SYNPO2: variants seen among roughly 807,000 people sequenced by gnomAD.
SYNPO2 encodes the protein synaptopodin 2.
Under a neutral mutation model 85.0 loss-of-function variants are expected in SYNPO2, and 56 were observed. The ratio of observed to expected loss-of-function variants is 0.66; its 90% CI spans 0.53 to 0.82. The LOEUF (loss-of-function observed/expected upper bound fraction) is 0.82. SYNPO2 is among the 40% of genes least tolerant of loss of function. The pLI is 0.00. For missense variants in SYNPO2, 1,575 were observed against 1,534.2 expected (o/e 1.03, Z -0.44); for synonymous variants, 602 against 591.1 (o/e 1.02, Z -0.27).
intron 1 of SYNPO2, among the ~76,000 whole-genome samples, chr4:118,995,890 CTATCT>C (rs985182290): frequency 1.3e-4 from 20 of 151,382 alleles, no homozygotes; most frequent in African/African-American, 4.7e-4. Context: ...ATCTATCTAT[CTATCT>C]ATCTATCTAT....
intron 2 of SYNPO2, 112 bp from the exon 3 acceptor site, chr4:119,026,515 A>T: frequency 8.4e-7 from 1 of 1,184,786 alleles, no homozygotes; most frequent in Non-Finnish European, 1.2e-6. Flanking sequence ...GACATTTAGA[A>T]GAAAATATTT....
chr4:118,991,827 G>A (rs949037628), intron 1 of SYNPO2, among the ~76,000 whole-genome samples: 1 of 152,180 alleles, frequency 6.6e-6, no homozygotes, highest in African/African-American at 2.4e-5. Flanking sequence ...AAGGGTGAGA[G>A]GAGGAGCATT....
At chr4:118,874,613 C>T (rs1165776539) in intron 1 of SYNPO2, among the ~76,000 whole-genome samples, 1 of 152,100 alleles carries the variant, frequency 6.6e-6, no homozygotes, top group Non-Finnish European at 1.5e-5. Flanking sequence ...TGTGGACCTC[C>T]TTGCTGTAAG....
intron 1 of SYNPO2, among the ~76,000 whole-genome samples, chr4:118,952,426 A>C (rs1182538789): frequency 1.3e-5 from 2 of 151,984 alleles, no homozygotes; most frequent in African/African-American, 4.8e-5. Context: ...ACATGTGCAC[A>C]ATGTGCAGGT....
chr4:118,991,132 G>A (rs1011356765), intron 1 of SYNPO2, among the ~76,000 whole-genome samples: 8 of 151,938 alleles, frequency 5.3e-5, no homozygotes, highest in African/African-American at 1.7e-4. Context: ...TTTTTAGTGC[G>A]TGACCACTTT....
intron 1 of SYNPO2, among the ~76,000 whole-genome samples, chr4:118,907,655 A>G (rs1173228830): frequency 1.3e-5 from 2 of 152,186 alleles, no homozygotes; most frequent in East Asian, 3.8e-4. Context: ...TACAGTCTAT[A>G]CTGTAAACCC....
chr4:118,896,294 C>T (rs1363807066), intron 1 of SYNPO2, among the ~76,000 whole-genome samples: 1 of 152,130 alleles, frequency 6.6e-6, no homozygotes, highest in African/African-American at 2.4e-5. Context: ...TACAGGAACA[C>T]ATCTGTAAGA....
intron 1 of SYNPO2, among the ~76,000 whole-genome samples, chr4:118,921,316 C>T (rs939949863): frequency 2.0e-5 from 3 of 152,158 alleles, no homozygotes; most frequent in Non-Finnish European, 4.4e-5. Context: ...GTTTCATTCT[C>T]ATAAGTACTA....
At chr4:118,984,690 G>A (rs748438942) in intron 1 of SYNPO2, among the ~76,000 whole-genome samples, 2 of 152,104 alleles carry the variant, frequency 1.3e-5, no homozygotes, top group African/African-American at 2.4e-5. Context: ...CCAGATCCCA[G>A]CATTTAGAAC....
intron 1 of SYNPO2, among the ~76,000 whole-genome samples, chr4:118,876,659 C>CT: frequency 1.4e-5 from 2 of 146,830 alleles, no homozygotes; most frequent in African/African-American, 5.0e-5. Context: ...TCCTTCCTTC[C>CT]TTCCTTTCTC....
intron 1 of SYNPO2, among the ~76,000 whole-genome samples, chr4:118,860,790 C>T (rs529564656): frequency 2.2e-4 from 33 of 152,182 alleles, no homozygotes; most frequent in African/African-American, 7.7e-4. Context: ...CTCTTGACCT[C>T]GTGACCCACT....
At chr4:118,904,066 A>G (rs1732849248) in intron 1 of SYNPO2, among the ~76,000 whole-genome samples, 1 of 152,154 alleles carries the variant, frequency 6.6e-6, no homozygotes, top group Admixed American at 6.6e-5. Context: ...TTAATTGCAT[A>G]TAATTCTGTT....
intron 4 of SYNPO2, chr4:119,037,286 G>T: frequency 7.5e-7 from 1 of 1,329,592 alleles, no homozygotes. Flanking sequence ...ACTACTGATG[G>T]TTTGTTCATG....
intron 1 of SYNPO2, among the ~76,000 whole-genome samples, chr4:118,959,082 A>G (rs1734980935): frequency 6.6e-6 from 1 of 152,230 alleles, no homozygotes; most frequent in Non-Finnish European, 1.5e-5. Context: ...TATTGACTAC[A>G]AAGTTGTTGG....
Position 119,057,668 on chromosome 4 carries a change from G to C in SYNPO2, c.3520G>C (p.Glu1174Gln). 6.2e-7 allele frequency: 1 copy of C among 1,614,154 alleles called. No homozygotes were observed. Among genetic ancestry groups the C allele is most frequent in the Non-Finnish European group, 8.5e-7 (1 of 1,180,042 alleles). Residue 1174 changes from glutamate (E) to glutamine (Q), a missense_variant, in exon 5 of 5, where the codon GAG becomes CAG. Glu to Gln is a conservative substitution (Grantham distance 29). This residue lies in a region of SYNPO2 where 1,508 missense variants were observed against 1,446.8 expected (regional missense o/e 1.04). Coordinates refer to ENST00000307142, the MANE Select transcript of SYNPO2 (RefSeq NM_133477.3). ...GAGGAAGGTGCTTCCAGGGCCTCCA[G>C]AGGATTGGAATGAAAGACTGTCCTA... ...ARRKVLPGPP[E>Q]DWNERLSYIP...
chr4:118,958,360 CAA>C (rs1369577131), intron 1 of SYNPO2, among the ~76,000 whole-genome samples: 6 of 152,196 alleles, frequency 3.9e-5, no homozygotes, highest in African/African-American at 1.2e-4. Context: ...AATATTACTT[CAA>C]GTCTTCTTAT....
intron 1 of SYNPO2, among the ~76,000 whole-genome samples, chr4:119,004,767 G>A (rs1344462124): frequency 6.6e-6 from 1 of 151,780 alleles, no homozygotes; most frequent in Non-Finnish European, 1.5e-5. Flanking sequence ...GGGTCAGATG[G>A]TATTTCTAGT....
chr4:118,880,739 T>A (rs1213248704), intron 1 of SYNPO2, among the ~76,000 whole-genome samples: 16 of 106,034 alleles, frequency 1.5e-4, no homozygotes, highest in Admixed American at 1.5e-3. Flanking sequence ...AGAGCGAGAC[T>A]CTGTCCCAAA....
At chr4:118,918,201 G>A (rs955758448) in intron 1 of SYNPO2, among the ~76,000 whole-genome samples, 4 of 151,960 alleles carry the variant, frequency 2.6e-5, no homozygotes, top group Admixed American at 6.6e-5. Context: ...TTTAAACAAT[G>A]TTTGCCAACA....
Sources: gnomAD v4.1 joint callset for allele counts (sites outside exome capture counted in the v4.1 genomes callset) on GRCh38, gnomAD v4.1.1 for gene constraint, gnomAD v4.1.1 regional missense constraint, MANE v1.5 for transcripts, NCBI Gene and HGNC (gene_info 2026-07-23, HGNC 2026-07-21) for gene names.